CLIP4: variants seen among roughly 807,000 people sequenced by gnomAD.
The protein encoded by CLIP4 is CAP-Gly domain-containing linker protein 4.
A neutral mutation model predicts 73.1 loss-of-function variants in CLIP4; 47 were observed. That is an observed-to-expected ratio of 0.64 (90% CI 0.51 to 0.82). The LOEUF is 0.82. Among genes scored for constraint, CLIP4 ranks in the 40% least tolerant of loss-of-function variants. The pLI is 0.00. For missense variants in CLIP4, 874 were observed against 852.9 expected (o/e 1.02, Z -0.31); for synonymous variants, 306 against 295.4 (o/e 1.04, Z -0.37).
chr2:29,181,084 A>G (rs1452921), intron 15 of CLIP4, among the ~76,000 whole-genome samples: 5,716 of 152,204 alleles, frequency 0.038, 380 homozygotes, highest in African/African-American at 0.13. Flanking sequence ...CTGATAGCCT[A>G]TTGTTGACTG....
chr2:29,117,562 C>T (rs1663949304), intron 1 of CLIP4, among the ~76,000 whole-genome samples: 1 of 152,136 alleles, frequency 6.6e-6, no homozygotes, highest in Admixed American at 6.5e-5. Flanking sequence ...GAACTCCTGA[C>T]CTGAAGTGAT....
rs895998905 is a variant in CLIP4, at chr2:29,183,636, G to T, written c.*1743G>T. On this transcript the variant is annotated 3_prime_UTR_variant, in exon 16 of 16. Transcript: ENST00000320081. ...CATTGAATTTATTTTTGAGGTCAAA[G>T]AACCAGTTGTTCTCTTTATATTTAG... 6.6e-6 allele frequency: 1 copy of T among 152,586 alleles called. No homozygotes were observed. Among genetic ancestry groups the T allele is most frequent in the Non-Finnish European group, 1.5e-5 (1 of 68,014 alleles). 9.5% of individuals were successfully genotyped at this position (152,586 alleles called of 1,614,324 possible).
upstream of CLIP4, among the ~76,000 whole-genome samples, chr2:29,111,517 T>G (rs567218092): frequency 1.3e-5 from 2 of 152,376 alleles, no homozygotes; most frequent in African/African-American, 4.8e-5. Context: ...CCACTCTGAT[T>G]ACAAGTGGGG....
chr2:29,101,828 G>A (rs984564310), intron 1 of CLIP4, among the ~76,000 whole-genome samples: 4 of 152,178 alleles, frequency 2.6e-5, no homozygotes, highest in African/African-American at 9.7e-5. Context: ...TATATCTCAA[G>A]CCAGATACTC....
rs576013748 is a variant in CLIP4 at position 29,131,007 on chromosome 2, G to T, written c.134-251G>T. ...TGCGATGTTGAGCTGGTATTATTTA[G>T]TCTGAGCTTTGCTTTCCTCATGTGC... On this transcript the variant is annotated intron_variant, in intron 2 of 15. Transcript: ENST00000320081. 1.0e-5 allele frequency: 10 copies of T among 995,968 alleles called. No individual in the cohort carries two copies. In the East Asian group the frequency reaches 2.8e-4, roughly 28 times the overall value. The allele number at this position is 995,968 out of a possible 1,614,324, so 61.7% of individuals were successfully genotyped here. A position where few individuals can be genotyped will look rare whatever the true frequency, so the allele number is the denominator to read the frequency against.
At chr2:29,154,060 C>G (rs1253663485) in intron 9 of CLIP4, among the ~76,000 whole-genome samples, 1 of 152,138 alleles carries the variant, frequency 6.6e-6, no homozygotes, top group African/African-American at 2.4e-5. Flanking sequence ...TTTAGAATAT[C>G]TTTCTGTTTA....
chr2:29,142,917 G>T (rs967656777), intron 6 of CLIP4, among the ~76,000 whole-genome samples: 11 of 152,198 alleles, frequency 7.2e-5, no homozygotes, highest in Non-Finnish European at 1.3e-4. Flanking sequence ...GCAAATGACC[G>T]TGGGGTTGTC....
chr2:29,140,667 A>G (rs1406185352), intron 6 of CLIP4, among the ~76,000 whole-genome samples: 5 of 152,142 alleles, frequency 3.3e-5, no homozygotes, highest in Admixed American at 2.0e-4. Context: ...TGACTTCCAC[A>G]ATGGTTGAAC....
intron 8 of CLIP4, among the ~76,000 whole-genome samples, chr2:29,148,477 G>A (rs1018819464): frequency 1.3e-5 from 2 of 152,058 alleles, no homozygotes; most frequent in Non-Finnish European, 2.9e-5. Context: ...CTGTTTTTAT[G>A]TCTTTTAATA....
chr2:29,130,833 A>G, intron 2 of CLIP4: 1 of 1,289,424 alleles, frequency 7.8e-7, no homozygotes, highest in Non-Finnish European at 1.0e-6. Flanking sequence ...GCAAAAACAA[A>G]AAAACCTCAA....
chr2:29,172,034 T>C (rs1440822806), intron 14 of CLIP4, among the ~76,000 whole-genome samples: 1 of 151,068 alleles, frequency 6.6e-6, no homozygotes, highest in Non-Finnish European at 1.5e-5. Flanking sequence ...TCATTCTGTT[T>C]ACTGCCTCTA....
At chr2:29,157,161 C>T (rs1261276979) in intron 10 of CLIP4, 43 bp from the exon 11 acceptor site, 3 of 1,562,532 alleles carry the variant, frequency 1.9e-6, no homozygotes, top group African/African-American at 1.4e-5. Context: ...TCTTGGTCCA[C>T]ATCTTATTTT....
chr2:29,140,049 G>A (rs554938874), intron 6 of CLIP4, among the ~76,000 whole-genome samples: 6 of 151,436 alleles, frequency 4.0e-5, no homozygotes, highest in South Asian at 4.2e-4. Flanking sequence ...TTTTTTTAAC[G>A]TGTTTTTATT....
At chr2:29,141,059 G>T (rs559936249) in intron 6 of CLIP4, among the ~76,000 whole-genome samples, 2,314 of 151,908 alleles carry the variant, frequency 0.015, 46 homozygotes, top group East Asian at 0.048. Flanking sequence ...GATTTTTTTT[G>T]AATTCTGCCT....
chr2:29,115,457 GGCCTGCGCGCCGCCCGGCC>G lies in CLIP4; in HGVS notation c.-217_-199del, dbSNP rs999665620. The G allele has an allele frequency of 6.7e-6, 1 of 149,206 alleles. No individual in the cohort carries two copies. Among genetic ancestry groups the G allele is most frequent in the African/African-American group, 2.4e-5 (1 of 41,096 alleles). 9.2% of individuals were successfully genotyped at this position (149,206 alleles called of 1,614,324 possible). A position where few individuals can be genotyped will look rare whatever the true frequency, so the allele number is the denominator to read the frequency against. On this transcript the variant is annotated 5_prime_UTR_variant, in exon 1 of 16. Transcript: ENST00000320081. The surrounding 1 kb of genome is among the most constrained non-coding windows in gnomAD (Gnocchi z 5.1). ...AGCGCGTGCGCGGGGCCGTGGCCGA[GGCCTGCGCGCCGCCCGGCC>G]GCCTGCACTGCGCGCGCGCCCACCC...
rs901339941 is a variant in CLIP4 at position 29,182,419 on chromosome 2, A to G, written c.*526A>G. The stretch of plus-strand genomic sequence containing the variant: ...TTTTGGTAAAATTATTTGCCCTTTC[A>G]GAAATGCCTCATCTAAAGATACATG... On this transcript the variant is annotated 3_prime_UTR_variant, in exon 16 of 16. Transcript: ENST00000320081. 11 of 152,642 alleles carry G rather than the reference A, an allele frequency of 7.2e-5. No individual in the cohort carries two copies. The highest frequency in any genetic ancestry group is 2.4e-4 in the African/African-American group (10 of 41,452). The allele number at this position is 152,642 out of a possible 1,614,324, so 9.5% of individuals were successfully genotyped here. A position where few individuals can be genotyped will look rare whatever the true frequency, so the allele number is the denominator to read the frequency against.
rs921767564 is a variant in CLIP4, at chr2:29,107,373, T to G, written c.-16+9426T>G. Among the ~76,000 whole-genome samples the G allele has an allele frequency of 2.7e-3, 340 of 126,844 alleles. 6 individuals are homozygous for G. The highest frequency in any genetic ancestry group is 6.3e-3 in the African/African-American group (217 of 34,238). 83.2% of individuals were successfully genotyped at this position (126,844 alleles called of 152,430 possible). ...GAACATGATAGTTTTTTTTTTTTTT[T>G]TTTTTTTTTTTTTTTTGAGATGGAG... is the stretch of plus-strand genomic sequence containing the variant. On this transcript the variant is annotated intron_variant, in intron 1 of 14. Coordinates refer to the CLIP4 transcript ENST00000401605.
chr2:29,145,199 C>A (rs778045804), intron 7 of CLIP4, 33 bp from the exon 8 acceptor site: 2 of 1,591,466 alleles, frequency 1.3e-6, no homozygotes, highest in South Asian at 2.3e-5. Flanking sequence ...ACTAATAATT[C>A]CCCAAAATTA....
At chr2:29,107,389 T>TTTTTG in intron 1 of CLIP4, among the ~76,000 whole-genome samples, 1 of 134,328 alleles carries the variant, frequency 7.4e-6, no homozygotes, top group East Asian at 2.1e-4. Context: ...TTTTTTTTTT[T>TTTTTG]GAGATGGAGT....
Sources: allele counts gnomAD v4.1 joint callset (sites outside exome capture counted in the v4.1 genomes callset), GRCh38; gene constraint gnomAD v4.1.1; non-coding constraint Gnocchi (gnomAD v3.1); transcripts MANE v1.5; gene names NCBI Gene and HGNC (gene_info 2026-07-23, HGNC 2026-07-21).